Variants in WNT3A observed in about 807,000 individuals in gnomAD.
The protein encoded by WNT3A is Wnt family member 3A.
A neutral mutation model predicts 37.0 loss-of-function variants in WNT3A; 17 were observed. That is an observed-to-expected ratio of 0.46 (90% CI 0.31 to 0.69). The LOEUF (loss-of-function observed/expected upper bound fraction) is 0.69, where lower values mean the gene tolerates loss of function less well. Ranked by LOEUF, WNT3A falls within the 30% of genes least tolerant of loss-of-function variation. WNT3A has a pLI of 0.05. For synonymous variants in WNT3A, 187 were observed against 211.0 expected, an observed-to-expected ratio of 0.89 and a Z score of 0.99; for missense variants, 411 against 510.2, an observed-to-expected ratio of 0.81 and a Z score of 1.87.
chr1:228,015,691 A>T (rs2030507928), intron 1 of WNT3A, among the ~76,000 whole-genome samples: 1 of 151,820 alleles, frequency 6.6e-6, no homozygotes, highest in African/African-American at 2.4e-5. Flanking sequence ...GGATGGCAAG[A>T]CCACCACCCC....
intron 2 of WNT3A, among the ~76,000 whole-genome samples, chr1:228,045,200 G>A (rs1431570951): frequency 6.6e-6 from 1 of 152,226 alleles, no homozygotes; most frequent in Non-Finnish European, 1.5e-5. Flanking sequence ...GAGGCACAGA[G>A]AGCCCTAGCC....
chr1:228,037,910 G>C lies in WNT3A; in HGVS notation c.314-12746G>C, dbSNP rs1426499262. On this transcript the variant is annotated intron_variant, in intron 2 of 3. Transcript: ENST00000284523. The surrounding 1 kb of genome is among the most constrained non-coding windows in gnomAD (Gnocchi z 4.1). ...CCTCGCGCCGGACGGCCTGGCGCGCGGCGCATACTTCCAGGTTGCTATGAC... is the reference window on the plus strand; with the variant it reads ...CCTCGCGCCGGACGGCCTGGCGCGCCGCGCATACTTCCAGGTTGCTATGAC... Among the ~76,000 whole-genome samples the C allele has an allele frequency of 1.3e-5, 2 of 152,222 alleles. No individual in the cohort carries two copies. The highest frequency in any genetic ancestry group is 1.5e-5 in the Non-Finnish European group (1 of 68,026).
intron 2 of WNT3A, among the ~76,000 whole-genome samples, chr1:228,047,320 T>C (rs1481715479): frequency 6.6e-6 from 1 of 152,168 alleles, no homozygotes; most frequent in African/African-American, 2.4e-5. Context: ...CCCGAGGGGC[T>C]CAGGGGGCTT....
At position 228,050,525 on chromosome 1, in the gene WNT3A, T is replaced by G; in HGVS notation, c.314-131T>G. On this transcript the variant is annotated intron_variant, in intron 2 of 3. Transcript: ENST00000284523. The surrounding 1 kb of genome is among the most constrained non-coding windows in gnomAD (Gnocchi z 5.0). ...TGTAGATCCGTGAACCAAGTAAGCC[T>G]CTTTGCCTTATACACCACCCAACCT... 1.7e-6 allele frequency: 2 copies of G among 1,167,456 alleles called. No homozygotes were observed. The highest frequency in any genetic ancestry group is 2.3e-6 in the Non-Finnish European group (2 of 865,424). The allele number at this position is 1,167,456 out of a possible 1,614,324, so 72.3% of individuals were successfully genotyped here.
At chr1:228,040,744 G>A (rs534199845) in intron 2 of WNT3A, among the ~76,000 whole-genome samples, 1 of 151,790 alleles carries the variant, frequency 6.6e-6, no homozygotes, top group Non-Finnish European at 1.5e-5. Flanking sequence ...AAATTACCTG[G>A]GCATGGTGGT....
chr1:228,017,126 GC>G (rs1259361142), intron 1 of WNT3A, among the ~76,000 whole-genome samples: 3 of 152,192 alleles, frequency 2.0e-5, no homozygotes, highest in Non-Finnish European at 4.4e-5. Flanking sequence ...GGTGGCTGTG[GC>G]AAAGCTCCAT....
Position 228,031,215 on chromosome 1 carries a change from C to T in WNT3A, c.313+8307C>T, listed in dbSNP as rs765073130. Among the ~76,000 whole-genome samples, 5 of 152,196 alleles carry T rather than the reference C, an allele frequency of 3.3e-5. No individual in the cohort carries two copies. The highest frequency in any genetic ancestry group is 1.9e-4 in the East Asian group (1 of 5,190). ...CACTGTGGGTCTGGGATGAGGAGGA[C>T]GTCCCTGAAGGACAAGTCAGGGTCC... On this transcript the variant is annotated intron_variant, in intron 2 of 3. Transcript: ENST00000284523. The surrounding 1 kb of genome is among the most constrained non-coding windows in gnomAD (Gnocchi z 4.8).
At chr1:228,045,361 G>A (rs931839257) in intron 2 of WNT3A, among the ~76,000 whole-genome samples, 1 of 152,190 alleles carries the variant, frequency 6.6e-6, no homozygotes. Context: ...CAGGCCATTT[G>A]GGAGTGAGAA....
chr1:228,051,882 G>C (rs1019678389), intron 3 of WNT3A, among the ~76,000 whole-genome samples: 1 of 152,090 alleles, frequency 6.6e-6, no homozygotes, highest in Non-Finnish European at 1.5e-5. Flanking sequence ...GACAGAGTGG[G>C]GGAGAGGTCG....
At chr1:228,029,542 A>AGTCCT (rs1201122496) in intron 2 of WNT3A, among the ~76,000 whole-genome samples, 2 of 152,190 alleles carry the variant, frequency 1.3e-5, no homozygotes, top group Non-Finnish European at 2.9e-5. Flanking sequence ...GGGACCTTGC[A>AGTCCT]GTCCTGGGGG....
In WNT3A at chr1:228,008,855, G is replaced by A. The variant is rs1571788730; in HGVS notation, c.71+1656G>A. On this transcript the variant is annotated intron_variant, in intron 1 of 3. Coordinates refer to ENST00000284523, the MANE Select transcript of WNT3A (RefSeq NM_033131.4). This position sits in a 1 kb window ranked among gnomAD's most constrained non-coding sequence, Gnocchi z 4.9. ...GTCGGCCCTGAGGGTTCCTAGCCTC[G>A]GTCCCCATCCACCTCATATGCATGT... Among the ~76,000 whole-genome samples, 1 of 152,114 alleles carries A rather than the reference G, an allele frequency of 6.6e-6. No individual in the cohort carries two copies. Among genetic ancestry groups the A allele is most frequent in the South Asian group, 2.1e-4 (1 of 4,828 alleles).
At position 228,059,113 on chromosome 1, in the gene WNT3A, A is replaced by G. The variant is rs773363110; in HGVS notation, c.707A>G (p.Asp236Gly). The G allele has an allele frequency of 6.2e-7, 1 of 1,613,780 alleles. No individual in the cohort carries two copies. The highest frequency in any genetic ancestry group is 8.5e-7 in the Non-Finnish European group (1 of 1,179,986). ...GGTGACTTCCTCAAGGACAAGTACGACAGCGCCTCGGAGATGGTGGTGGAG... is the reference window on the plus strand; with the variant it reads ...GGTGACTTCCTCAAGGACAAGTACGGCAGCGCCTCGGAGATGGTGGTGGAG... ...AIGDFLKDKY[D>G]SASEMVVEKH... Residue 236 changes from aspartate to glycine, a missense_variant, in exon 4 of 4, where the codon GAC becomes GGC. By Grantham distance (94) the Asp-to-Gly change is moderately conservative (BLOSUM62 -1). Transcript: ENST00000284523.
rs754336105 is a variant in WNT3A at position 228,059,309 on chromosome 1, G to T, written c.903G>T (p.Ser301=). The T allele has an allele frequency of 6.3e-7, 1 of 1,580,388 alleles. No individual in the cohort carries two copies. The highest frequency in any genetic ancestry group is 2.3e-5 in the East Asian group (1 of 43,036). The change falls in exon 4 of 4, where the codon TCG becomes TCT. Residue 301 remains serine, a synonymous_variant. Transcript: ENST00000284523. ...GTRDRTCNVS[S]HGIDGCDLLC... ...GCGACCGCACCTGCAACGTCAGCTC[G>T]CACGGCATCGACGGCTGCGACCTGC...
At chr1:228,036,942 G>A (rs944691217) in intron 2 of WNT3A, among the ~76,000 whole-genome samples, 6 of 152,170 alleles carry the variant, frequency 3.9e-5, no homozygotes, top group Admixed American at 1.3e-4. Flanking sequence ...CCAGGAGCGG[G>A]CGAGGCCTGG....
At position 228,038,110 on chromosome 1, in the gene WNT3A, G is replaced by A. The variant is rs1393776432; in HGVS notation, c.314-12546G>A. On this transcript the variant is annotated intron_variant, in intron 2 of 3. Transcript: ENST00000284523. The surrounding 1 kb of genome is among the most constrained non-coding windows in gnomAD (Gnocchi z 5.7). ...CGGCGGTGTCAGGGGCCGTGGCCGC[G>A]GTGGGGCGCGGGCCGCATTCCGCTC... 6.6e-6 allele frequency among the ~76,000 whole-genome samples: 1 copy of A among 152,072 alleles called. No homozygotes were observed. The highest frequency in any genetic ancestry group is 1.5e-5 in the Non-Finnish European group (1 of 67,932).
At chr1:228,030,714 C>T (rs545684153) in intron 2 of WNT3A, among the ~76,000 whole-genome samples, 26 of 152,300 alleles carry the variant, frequency 1.7e-4, no homozygotes, top group African/African-American at 6.3e-4. Context: ...CATGATGCCC[C>T]CTCCCTCCCA....
At chr1:228,055,176 AAAAATATATATATATATATATAT>A (rs1484491789) in intron 3 of WNT3A, among the ~76,000 whole-genome samples, 18 of 59,084 alleles carry the variant, frequency 3.0e-4, no homozygotes, top group Admixed American at 8.4e-4. Context: ...AAAAAAAAAA[AAAAATATATATATATATATATAT>A]ATATATATAT....
rs564271319 is a variant in WNT3A, at chr1:228,036,296, G to A, written c.313+13388G>A. Among the ~76,000 whole-genome samples the A allele has an allele frequency of 4.6e-5, 7 of 152,252 alleles. No homozygotes were observed. In the South Asian group the frequency reaches 6.2e-4, roughly 14 times the overall value. On this transcript the variant is annotated intron_variant, in intron 2 of 3. Coordinates refer to ENST00000284523, the MANE Select transcript of WNT3A (RefSeq NM_033131.4). ...TGCACATGTGAGTGTACACCCTAGC[G>A]TGTGCATTGTGAGGGGTGCATGTGT...
Position 228,007,245 on chromosome 1 carries a change from C to T in WNT3A, c.71+46C>T, listed in dbSNP as rs1246757177. The T allele has an allele frequency of 3.8e-6, 6 of 1,562,420 alleles. No homozygotes were observed. The highest frequency in any genetic ancestry group is 1.8e-5 in the Admixed American group (1 of 56,030). ...TCGCCCCTGCCCCTGTGCGCCGCGC[C>T]CGCAGCAGACGGTCCCCTCGGGCAG... On this transcript the variant is annotated intron_variant, in intron 1 of 3. Coordinates refer to ENST00000284523, the MANE Select transcript of WNT3A (RefSeq NM_033131.4). The surrounding 1 kb of genome is among the most constrained non-coding windows in gnomAD (Gnocchi z 6.0).
Sources: allele counts gnomAD v4.1 joint callset (sites outside exome capture counted in the v4.1 genomes callset), GRCh38; gene constraint gnomAD v4.1.1; non-coding constraint Gnocchi (gnomAD v3.1); transcripts MANE v1.5; gene names NCBI Gene and HGNC (gene_info 2026-07-23, HGNC 2026-07-21).